The following LSAMP variants were observed in gnomAD, a reference collection of about 807,000 sequenced individuals.
LSAMP encodes limbic system-associated membrane protein.
LSAMP carries 7 observed loss-of-function variants against 38.6 expected under a neutral mutation model. The observed-to-expected ratio is 0.18, with a 90% CI of 0.10 to 0.34. The LOEUF is 0.34. LSAMP is among the 10% of genes least tolerant of loss of function. LSAMP has a pLI of 1.00. For missense variants in LSAMP, 313 were observed against 420.0 expected, an observed-to-expected ratio of 0.75 and a Z score of 2.23; for synonymous variants, 154 against 166.8, an observed-to-expected ratio of 0.92 and a Z score of 0.59.
intron 1 of LSAMP, among the ~76,000 whole-genome samples, chr3:116,360,300 C>T (rs2048293319): frequency 1.3e-5 from 1 of 79,904 alleles, no homozygotes; most frequent in Non-Finnish European, 2.5e-5. Flanking sequence ...GCTTTTCAGA[C>T]CGGATTAAGA....
At chr3:116,189,036 T>C (rs1023677633) in intron 1 of LSAMP, among the ~76,000 whole-genome samples, 7 of 152,160 alleles carry the variant, frequency 4.6e-5, no homozygotes, top group African/African-American at 1.7e-4. Context: ...AACACGATAA[T>C]AAAGACCAAC....
chr3:116,111,903 GGA>G (rs1708624855), intron 1 of LSAMP, among the ~76,000 whole-genome samples: 1 of 152,222 alleles, frequency 6.6e-6, no homozygotes. Context: ...GCCACAAGGT[GGA>G]GGCATGTGAA....
intron 3 of LSAMP, among the ~76,000 whole-genome samples, chr3:115,925,670 G>T (rs1347268496): frequency 6.6e-6 from 1 of 152,142 alleles, no homozygotes; most frequent in Non-Finnish European, 1.5e-5. Flanking sequence ...CATTTTGAAA[G>T]TTCTTTGAAT....
intron 1 of LSAMP, among the ~76,000 whole-genome samples, chr3:116,351,134 G>A (rs2048133877): frequency 6.6e-6 from 1 of 151,912 alleles, no homozygotes; most frequent in African/African-American, 2.4e-5. Context: ...TATTGAAAGA[G>A]TTTGCATAAC....
At chr3:116,109,325 A>G (rs922948912) in intron 1 of LSAMP, among the ~76,000 whole-genome samples, 14 of 152,132 alleles carry the variant, frequency 9.2e-5, no homozygotes, top group South Asian at 4.2e-4. Flanking sequence ...GTGGAGGAGC[A>G]GAGGCTGAGG....
chr3:116,267,504 A>G (rs1040291661), intron 1 of LSAMP, among the ~76,000 whole-genome samples: 2 of 151,744 alleles, frequency 1.3e-5, no homozygotes, highest in African/African-American at 4.8e-5. Context: ...AACTGACAGG[A>G]GGAAAGCAGC....
At chr3:115,968,060 G>A (rs1938882266) in intron 3 of LSAMP, among the ~76,000 whole-genome samples, 1 of 152,056 alleles carries the variant, frequency 6.6e-6, no homozygotes, top group Admixed American at 6.6e-5. Flanking sequence ...TGTGGTGAAT[G>A]CTGCCAGGCC....
chr3:116,230,011 A>C (rs1384048135), intron 1 of LSAMP, among the ~76,000 whole-genome samples: 1 of 152,190 alleles, frequency 6.6e-6, no homozygotes, highest in Non-Finnish European at 1.5e-5. Flanking sequence ...ACTGTGCTGT[A>C]AGCAGAGAAA....
chr3:116,435,431 G>C (rs945739264), intron 1 of LSAMP, among the ~76,000 whole-genome samples: 7 of 152,030 alleles, frequency 4.6e-5, no homozygotes, highest in Non-Finnish European at 8.8e-5. Flanking sequence ...GGACTACCTA[G>C]GGGGTGCTGG....
chr3:116,035,289 C>T (rs72959722), intron 2 of LSAMP, among the ~76,000 whole-genome samples: 6,031 of 152,222 alleles, frequency 0.04, 389 homozygotes, highest in African/African-American at 0.14. Flanking sequence ...TCCTCATTCA[C>T]ACATTAAAAA....
At chr3:115,833,658 T>C (rs536209250) in intron 6 of LSAMP, among the ~76,000 whole-genome samples, 4 of 152,200 alleles carry the variant, frequency 2.6e-5, no homozygotes, top group Non-Finnish European at 5.9e-5. Context: ...AGCAGCTTTC[T>C]ACCTTTAATT....
intron 2 of LSAMP, among the ~76,000 whole-genome samples, chr3:116,042,791 T>C (rs2107719954): frequency 6.6e-6 from 1 of 152,336 alleles, no homozygotes; most frequent in Admixed American, 6.5e-5. Context: ...CCATTCTGCA[T>C]GTATGTGTCT....
At chr3:115,980,261 G>A (rs1939317854) in intron 3 of LSAMP, among the ~76,000 whole-genome samples, 1 of 151,900 alleles carries the variant, frequency 6.6e-6, no homozygotes, top group Non-Finnish European at 1.5e-5. Context: ...TTGTTACTTA[G>A]AGTTTCATAA....
chr3:115,911,604 A>G (rs1937137492), intron 3 of LSAMP, among the ~76,000 whole-genome samples: 1 of 152,106 alleles, frequency 6.6e-6, no homozygotes, highest in Admixed American at 6.5e-5. Flanking sequence ...TTGACCTCCC[A>G]GAGTGCTGGG....
chr3:116,042,533 G>A (rs1000714925), intron 2 of LSAMP, among the ~76,000 whole-genome samples: 5 of 151,490 alleles, frequency 3.3e-5, no homozygotes, highest in South Asian at 4.2e-4. Context: ...AGGTTCAAGC[G>A]ATTCCCCTGC....
chr3:116,035,106 T>G (rs796377069), intron 2 of LSAMP, among the ~76,000 whole-genome samples: 4 of 152,288 alleles, frequency 2.6e-5, no homozygotes, highest in African/African-American at 9.6e-5. Context: ...CTAAGTCTAA[T>G]TACAAAGTAG....
intron 1 of LSAMP, among the ~76,000 whole-genome samples, chr3:116,269,771 CTTTG>C (rs1243762645): frequency 1.3e-5 from 2 of 152,066 alleles, no homozygotes; most frequent in African/African-American, 2.4e-5. Flanking sequence ...GCACATGGTT[CTTTG>C]TTTGATCAAT....
chr3:116,033,619 G>T (rs1940979649), intron 2 of LSAMP, among the ~76,000 whole-genome samples: 1 of 152,066 alleles, frequency 6.6e-6, no homozygotes, highest in Admixed American at 6.6e-5. Flanking sequence ...ATGCTGCGGG[G>T]CCAGAGCACT....
chr3:116,280,374 A>G (rs868299686), intron 1 of LSAMP, among the ~76,000 whole-genome samples: 24 of 152,184 alleles, frequency 1.6e-4, no homozygotes, highest in African/African-American at 4.6e-4. Flanking sequence ...CCTGAGCCTT[A>G]GTCCTCTGCT....
Sources: allele counts gnomAD v4.1 joint callset (sites outside exome capture counted in the v4.1 genomes callset), GRCh38; gene constraint gnomAD v4.1.1; transcripts MANE v1.5; gene names NCBI Gene and HGNC (gene_info 2026-07-23, HGNC 2026-07-21).